The following MS4A3 variants were observed in gnomAD, a reference collection of about 807,000 sequenced individuals.
The protein encoded by MS4A3 is membrane spanning 4-domains A3.
In MS4A3, 18 loss-of-function variants were observed where a neutral mutation model predicts 24.7. The observed-to-expected ratio is 0.73, with a 90% CI of 0.50 to 1.08. MS4A3 has a LOEUF of 1.08. Ranked by LOEUF, MS4A3 falls within the 50% of genes least tolerant of loss-of-function variation. The pLI, the probability that MS4A3 is intolerant of heterozygous loss-of-function variation, is 0.00. For missense variants in MS4A3, 282 were observed against 251.7 expected, an observed-to-expected ratio of 1.12 and a Z score of -0.82; for synonymous variants, 84 against 95.3, an observed-to-expected ratio of 0.88 and a Z score of 0.69.
chr11:60,068,262 CG>C (rs1238083333), intron 5 of MS4A3, among the ~76,000 whole-genome samples: 2 of 96,702 alleles, frequency 2.1e-5, no homozygotes, highest in Admixed American at 2.9e-4. Flanking sequence ...TTTTTTGAGA[CG>C]GAGTCTTGCT....
intron 3 of MS4A3, among the ~76,000 whole-genome samples, chr11:60,063,403 G>A (rs980779926): frequency 6.6e-6 from 1 of 152,130 alleles, no homozygotes; most frequent in African/African-American, 2.4e-5. Flanking sequence ...TTACTTCCCT[G>A]ATGGTTCATT....
chr11:60,064,820 T>G (rs1037837380), intron 4 of MS4A3, among the ~76,000 whole-genome samples: 4 of 152,208 alleles, frequency 2.6e-5, no homozygotes, highest in Non-Finnish European at 4.4e-5. Context: ...CCTTACTCTC[T>G]GCTGATGATT....
intron 1 of MS4A3, 145 bp from the exon 2 acceptor site, chr11:60,061,001 A>G: frequency 1.6e-6 from 1 of 617,736 alleles, no homozygotes; most frequent in East Asian, 3.2e-5. Flanking sequence ...TATTGTACAA[A>G]CTCTGTTACT....
At chr11:60,057,520 T>C (rs1006323361) in intron 1 of MS4A3, among the ~76,000 whole-genome samples, 1 of 152,126 alleles carries the variant, frequency 6.6e-6, no homozygotes. Flanking sequence ...TTCTCCTGCC[T>C]CAGCCTCCTG....
At position 60,071,115 on chromosome 11, in the gene MS4A3, A is replaced by T. The variant is rs1004542513; in HGVS notation, c.*882A>T. On this transcript the variant is annotated 3_prime_UTR_variant, in exon 7 of 7. Transcript: ENST00000278865. ...AAATAAAAAGAAAATGTGAAACAGC[A>T]CCACAGGTACTTGACAATGATGTTG... 2.6e-5 allele frequency: 4 copies of T among 152,332 alleles called. No homozygotes were observed. The highest frequency in any genetic ancestry group is 1.3e-4 in the Admixed American group (2 of 15,282). The allele number at this position is 152,332 out of a possible 1,614,324, so 9.4% of individuals were successfully genotyped here.
At chr11:60,061,355 A>G (rs1343632917) in intron 2 of MS4A3, 39 bp downstream of exon 2, 4 of 1,572,642 alleles carry the variant, frequency 2.5e-6, no homozygotes, top group Non-Finnish European at 2.6e-6. Context: ...TTAAGAGGGA[A>G]GAAAATAAAT....
chr11:60,058,956 T>C (rs1253299045), intron 1 of MS4A3, among the ~76,000 whole-genome samples: 3 of 152,226 alleles, frequency 2.0e-5, no homozygotes, highest in Non-Finnish European at 4.4e-5. Flanking sequence ...TCTTGGGTTC[T>C]GTACAGTGTT....
Position 60,056,844 on chromosome 11 carries a change from G to A in MS4A3, c.-16+104G>A, listed in dbSNP as rs138935115. ...TGTCTGCAAAGGTCTCTGTTTGGTT[G>A]CTATGTAGAGGTTTGGAACATTTAA... On this transcript the variant is annotated intron_variant, in intron 1 of 6. Coordinates refer to ENST00000278865, the MANE Select transcript of MS4A3 (RefSeq NM_006138.5). The A allele has an allele frequency of 5.9e-5, 9 of 152,324 alleles. No individual in the cohort carries two copies. The East Asian group carries it at 1.7e-3, about 29-fold the overall frequency. The allele number at this position is 152,324 out of a possible 1,614,324, so 9.4% of individuals were successfully genotyped here.
chr11:60,061,100 G>A, intron 1 of MS4A3, 46 bp from the exon 2 acceptor site: 1 of 1,503,716 alleles, frequency 6.7e-7, no homozygotes, highest in Non-Finnish European at 8.9e-7. Flanking sequence ...AGTAGCTAGT[G>A]GAAAAAGGGA....
chr11:60,067,459 C>T (rs1176165810), intron 5 of MS4A3, among the ~76,000 whole-genome samples: 3 of 152,054 alleles, frequency 2.0e-5, no homozygotes, highest in Admixed American at 2.0e-4. Flanking sequence ...TCGTGACCCG[C>T]CCGCCTCGGC....
intron 5 of MS4A3, 103 bp downstream of exon 5, chr11:60,067,215 T>TTG: frequency 1.2e-6 from 1 of 808,462 alleles, no homozygotes; most frequent in East Asian, 3.4e-5. Flanking sequence ...TTTGAATCTT[T>TTG]TTTTTTTTTT....
At position 60,062,562 on chromosome 11, in the gene MS4A3, TCTTCAC is replaced by T; in HGVS notation, c.256_261del (p.Thr86_Phe87del). On this transcript the variant is annotated inframe_deletion, in exon 3 of 7. Transcript: ENST00000278865. ...TACCACTTCCAAAAGCACTTCTTTT[TCTTCAC>T]CTTCTACACAGGCTACCCGATTTGG... The T allele has an allele frequency of 6.2e-7, 1 of 1,614,114 alleles. No individual in the cohort carries two copies. The highest frequency in any genetic ancestry group is 1.1e-5 in the South Asian group (1 of 91,078).
rs1855456749 is a variant in MS4A3, at chr11:60,070,414, A to G, written c.*181A>G. The G allele has an allele frequency of 1.8e-6, 1 of 548,664 alleles. No homozygotes were observed. The highest frequency in any genetic ancestry group is 3.2e-6 in the Non-Finnish European group (1 of 313,340). 34.0% of individuals were successfully genotyped at this position (548,664 alleles called of 1,614,324 possible). A position where few individuals can be genotyped will look rare whatever the true frequency, so the allele number is the denominator to read the frequency against. On this transcript the variant is annotated 3_prime_UTR_variant, in exon 7 of 7. Coordinates refer to ENST00000278865, the MANE Select transcript of MS4A3 (RefSeq NM_006138.5). The stretch of plus-strand genomic sequence containing the variant: ...TGACTCTATCCTTTCTCTCCTAACT[A>G]TAAATCCTATTTGTGTGTCGTGGGT...
intron 4 of MS4A3, among the ~76,000 whole-genome samples, chr11:60,065,650 T>C (rs501697): frequency 6.6e-6 from 1 of 152,060 alleles, no homozygotes; most frequent in Non-Finnish European, 1.5e-5. Context: ...TCAACTCTTG[T>C]TCCTCATCTA....
In MS4A3 at chr11:60,062,494, G is replaced by A; in HGVS notation, c.183G>A (p.Met61Ile). 6.2e-7 allele frequency: 1 copy of A among 1,614,074 alleles called. No individual in the cohort carries two copies. Among genetic ancestry groups the A allele is most frequent in the African/African-American group, 1.3e-5 (1 of 75,036 alleles). ...CCATCCAGATCCTGAATGCAGCAAT[G>A]ATTCTGGCTTTGGGTGTCTTTCTGG... ...LGAIQILNAAMILALGVFLGS... is the reference protein window; with the variant it reads ...LGAIQILNAAIILALGVFLGS... Residue 61 changes from methionine to isoleucine, a missense_variant, in exon 3 of 7, where the codon ATG (methionine) becomes ATA (isoleucine). By Grantham distance (10) the Met-to-Ile change is conservative. Coordinates refer to ENST00000278865, the MANE Select transcript of MS4A3 (RefSeq NM_006138.5).
At chr11:60,061,806 C>A (rs1226057259) in intron 2 of MS4A3, among the ~76,000 whole-genome samples, 3 of 152,118 alleles carry the variant, frequency 2.0e-5, no homozygotes, top group Admixed American at 2.0e-4. Flanking sequence ...ATGTAGAAAA[C>A]CTTGCTTATG....
At chr11:60,064,451 T>G in intron 4 of MS4A3, 133 bp downstream of exon 4, 1 of 498,702 alleles carries the variant, frequency 2.0e-6, no homozygotes, top group Non-Finnish European at 3.3e-6. Context: ...TTAGTTTTCT[T>G]AACGTGTTCA....
At chr11:60,066,047 T>G (rs1164356193) in intron 4 of MS4A3, among the ~76,000 whole-genome samples, 2 of 152,214 alleles carry the variant, frequency 1.3e-5, no homozygotes, top group African/African-American at 4.8e-5. Context: ...CTTCTCCTCA[T>G]GTCAGCTGAT....
rs549155792 is a variant in MS4A3, at chr11:60,070,228, G to A, written c.640G>A (p.Val214Met). The A allele has an allele frequency of 1.3e-6, 2 of 1,596,168 alleles. No homozygotes were observed. The highest frequency in any genetic ancestry group is 1.7e-6 in the Non-Finnish European group (2 of 1,167,980). Residue 214 changes from valine (V) to methionine (M), a missense_variant, in exon 7 of 7, where the codon GTG becomes ATG. Val to Met is a conservative substitution (Grantham distance 21). Coordinates refer to ENST00000278865, the MANE Select transcript of MS4A3 (RefSeq NM_006138.5). Reference sequence around the variant, plus strand: ...GGAAATTTCCTCACCTCCCAATTCTGTGTAATCAAGAATACCTCCTTAATT... The same window carrying A: ...GGAAATTTCCTCACCTCCCAATTCTATGTAATCAAGAATACCTCCTTAATT... ...REEISSPPNSV is the reference protein window; with the variant it reads ...REEISSPPNSM
Sources: allele counts gnomAD v4.1 joint callset (sites outside exome capture counted in the v4.1 genomes callset), GRCh38; gene constraint gnomAD v4.1.1; transcripts MANE v1.5; gene names NCBI Gene and HGNC (gene_info 2026-07-23, HGNC 2026-07-21).